The following AHCTF1 variants were observed in gnomAD, a reference collection of about 807,000 sequenced individuals.
AHCTF1 encodes the protein protein ELYS.
A neutral mutation model predicts 248.4 loss-of-function variants in AHCTF1; 24 were observed. The observed-to-expected ratio is 0.10, with a 90% CI of 0.07 to 0.14. AHCTF1 has a LOEUF of 0.14. AHCTF1 is among the 10% of genes least tolerant of loss of function. The pLI, the probability that AHCTF1 is intolerant of heterozygous loss-of-function variation, is 1.00. For missense variants in AHCTF1, 2,206 were observed against 2,636.2 expected, an observed-to-expected ratio of 0.84 and a Z score of 3.57; for synonymous variants, 786 against 929.8, an observed-to-expected ratio of 0.85 and a Z score of 2.81.
At chr1:246,912,312 TAA>T (rs539206612) in intron 4 of AHCTF1, among the ~76,000 whole-genome samples, 6 of 141,690 alleles carry the variant, frequency 4.2e-5, no homozygotes, top group East Asian at 2.0e-4. Flanking sequence ...CCATCTCTAC[TAA>T]AAAAAAAAAA....
intron 27 of AHCTF1, among the ~76,000 whole-genome samples, chr1:246,862,763 C>A (rs1294665281): frequency 6.6e-6 from 1 of 152,108 alleles, no homozygotes; most frequent in South Asian, 2.1e-4. Context: ...AATCTAATTA[C>A]AGAAAACTAC....
chr1:246,931,511 G>T, intron 1 of AHCTF1, 67 bp downstream of exon 1: 1 of 425,486 alleles, frequency 2.4e-6, no homozygotes, highest in Non-Finnish European at 3.1e-6. Flanking sequence ...CGCCGCCGCC[G>T]CGGGTCCAGG....
rs4011529 is a variant in AHCTF1, at chr1:246,850,688, C to T, written c.5318G>A (p.Arg1773Lys). 1.2e-6 allele frequency: 2 copies of T among 1,613,988 alleles called. No individual in the cohort carries two copies. The highest frequency in any genetic ancestry group is 1.7e-6 in the Non-Finnish European group (2 of 1,179,868). ...ATPKMPGQSV[R>K]KKTRKAKEIS... ...TTCTTTTGCCTTCCTAGTTTTCTTC[C>T]TGACTGACTGCCCTGGCATCTTAGG... is the stretch of plus-strand genomic sequence containing the variant. The change falls in exon 33 of 36, where the codon AGG becomes AAG. Residue 1773 changes from arginine (R) to lysine (K), a missense_variant. By Grantham distance (26) the Arg-to-Lys change is conservative. This residue lies in a region of AHCTF1 where 955 missense variants were observed against 1,055.6 expected (regional missense o/e 0.90). Transcript: ENST00000648844.
At position 246,855,806 on chromosome 1, in the gene AHCTF1, G is replaced by C. The variant is rs138652795; in HGVS notation, c.4278C>G (p.Ser1426=). The C allele has an allele frequency of 6.2e-7, 1 of 1,612,630 alleles. No homozygotes were observed. Among genetic ancestry groups the C allele is most frequent in the Non-Finnish European group, 8.5e-7 (1 of 1,179,382 alleles). ...VYEGKIFTQK[S]KVPVLDEGLT... Reference sequence around the variant, plus strand: ...ATCCTTCGTCCAACACTGGTACCTTGGACTTCTGGGTGAAGATTTTCCTTT... The same window carrying C: ...ATCCTTCGTCCAACACTGGTACCTTCGACTTCTGGGTGAAGATTTTCCTTT... The change falls in exon 31 of 36, where the codon TCC becomes TCG. Residue 1426 remains serine (S), a synonymous_variant. Transcript: ENST00000648844.
chr1:246,857,447 A>G (rs1361368752), intron 30 of AHCTF1, among the ~76,000 whole-genome samples: 3 of 152,230 alleles, frequency 2.0e-5, no homozygotes, highest in East Asian at 1.9e-4. Context: ...GGTCTTCAAC[A>G]AAAACAGAAT....
chr1:246,864,399 G>A (rs1661803481), intron 26 of AHCTF1: 6 of 261,230 alleles, frequency 2.3e-5, no homozygotes, highest in Admixed American at 5.3e-5. Flanking sequence ...TATGTGCCTG[G>A]CATTTATTTT....
At chr1:246,895,295 T>G (rs1464882189) in intron 13 of AHCTF1, among the ~76,000 whole-genome samples, 1 of 152,208 alleles carries the variant, frequency 6.6e-6, no homozygotes, top group Non-Finnish European at 1.5e-5. Context: ...GTCCTTATTC[T>G]TAGAAGCAGC....
At chr1:246,929,897 C>G (rs930791711) in intron 1 of AHCTF1, among the ~76,000 whole-genome samples, 1 of 152,008 alleles carries the variant, frequency 6.6e-6, no homozygotes, top group Non-Finnish European at 1.5e-5. Flanking sequence ...ACTAAAAATA[C>G]AAAAATTAGC....
intron 4 of AHCTF1, among the ~76,000 whole-genome samples, chr1:246,908,645 T>C (rs1286581211): frequency 6.6e-6 from 1 of 151,332 alleles, no homozygotes. Flanking sequence ...CTCAGCACTT[T>C]GGAAGGCCAA....
intron 8 of AHCTF1, among the ~76,000 whole-genome samples, chr1:246,901,692 C>T (rs1665011863): frequency 6.6e-6 from 1 of 152,028 alleles, no homozygotes; most frequent in African/African-American, 2.4e-5. Context: ...GTGGTGTGTG[C>T]CGGCAGTCCC....
intron 24 of AHCTF1, among the ~76,000 whole-genome samples, chr1:246,868,926 G>A (rs1309027569): frequency 3.4e-5 from 5 of 147,578 alleles, no homozygotes; most frequent in African/African-American, 1.0e-4. Context: ...CTCACTGCAA[G>A]TTCTGCCTCC....
intron 4 of AHCTF1, among the ~76,000 whole-genome samples, chr1:246,911,067 G>A (rs1391641863): frequency 1.3e-5 from 2 of 152,100 alleles, no homozygotes. Context: ...GTGCTATAAA[G>A]TCCAACTGCT....
chr1:246,846,535 C>A (rs570842934), intron 33 of AHCTF1, among the ~76,000 whole-genome samples: 4 of 152,122 alleles, frequency 2.6e-5, no homozygotes, highest in African/African-American at 9.6e-5. Context: ...AATGAGAGAT[C>A]TCAATCCCAA....
chr1:246,893,218 T>G (rs1286732710), intron 14 of AHCTF1, among the ~76,000 whole-genome samples: 1 of 152,214 alleles, frequency 6.6e-6, no homozygotes, highest in East Asian at 1.9e-4. Flanking sequence ...AAACACCTGA[T>G]AGTGTTCTTA....
chr1:246,921,706 C>A (rs553089426), intron 1 of AHCTF1, among the ~76,000 whole-genome samples: 1 of 152,110 alleles, frequency 6.6e-6, no homozygotes, highest in Non-Finnish European at 1.5e-5. Flanking sequence ...TAGTAGAAAC[C>A]GCAATTCTGG....
At chr1:246,918,426 A>G (rs1666298120) in intron 1 of AHCTF1, 49 bp from the exon 2 acceptor site, 2 of 1,502,222 alleles carry the variant, frequency 1.3e-6, no homozygotes, top group South Asian at 1.3e-5. Flanking sequence ...TTTGTAGACA[A>G]TATACTTGAT....
intron 27 of AHCTF1, among the ~76,000 whole-genome samples, chr1:246,862,509 CAGAT>C (rs1277736402): frequency 6.6e-6 from 1 of 151,002 alleles, no homozygotes; most frequent in Non-Finnish European, 1.5e-5. Context: ...TATATAAAAA[CAGAT>C]GGGGTCAACT....
chr1:246,901,154 C>T (rs564724191), intron 8 of AHCTF1, among the ~76,000 whole-genome samples: 1 of 152,048 alleles, frequency 6.6e-6, no homozygotes, highest in South Asian at 2.1e-4. Flanking sequence ...GCCCAGGCAA[C>T]ACAGCAAAAA....
chr1:246,870,121 G>A (rs1402530315), intron 24 of AHCTF1, among the ~76,000 whole-genome samples: 5 of 152,160 alleles, frequency 3.3e-5, no homozygotes, highest in African/African-American at 1.2e-4. Context: ...CTGCAGATAT[G>A]GGGGAAAGAG....
Sources: allele counts gnomAD v4.1 joint callset (sites outside exome capture counted in the v4.1 genomes callset), GRCh38; gene constraint gnomAD v4.1.1; regional missense constraint gnomAD v4.1.1; transcripts MANE v1.5; gene names NCBI Gene and HGNC (gene_info 2026-07-23, HGNC 2026-07-21).